Variants in TRPC7 observed in about 807,000 individuals in gnomAD.
TRPC7 encodes the protein transient receptor potential cation channel subfamily C member 7.
TRPC7 carries 42 observed loss-of-function variants against 90.1 expected under a neutral mutation model. That is an observed-to-expected ratio of 0.47 (90% CI 0.36 to 0.60). TRPC7 has a LOEUF of 0.60. Among genes scored for constraint, TRPC7 ranks in the 20% least tolerant of loss-of-function variants. TRPC7 has a pLI of 0.00. For missense variants in TRPC7, 955 were observed against 1,112.3 expected (o/e 0.86, Z 2.01); for synonymous variants, 451 against 436.3 (o/e 1.03, Z -0.42).
At chr5:136,289,467 G>A (rs1034671116) in intron 3 of TRPC7, among the ~76,000 whole-genome samples, 1 of 152,234 alleles carries the variant, frequency 6.6e-6, no homozygotes, top group Non-Finnish European at 1.5e-5. Flanking sequence ...CTTCCAACGG[G>A]CTTAACAAAT....
intron 3 of TRPC7, among the ~76,000 whole-genome samples, chr5:136,276,632 T>G (rs1046663674): frequency 5.3e-5 from 8 of 152,218 alleles, no homozygotes; most frequent in African/African-American, 1.9e-4. Flanking sequence ...CTTGAAATAT[T>G]AGATGCAAAT....
intron 3 of TRPC7, among the ~76,000 whole-genome samples, chr5:136,315,360 G>A (rs1230779947): frequency 1.3e-5 from 2 of 152,126 alleles, no homozygotes; most frequent in Non-Finnish European, 2.9e-5. Flanking sequence ...GCCTGCTCAG[G>A]AACTGACTCA....
intron 4 of TRPC7, among the ~76,000 whole-genome samples, chr5:136,271,449 T>C (rs1452856301): frequency 6.6e-6 from 1 of 152,208 alleles, no homozygotes; most frequent in East Asian, 1.9e-4. Flanking sequence ...ATTTATTCTT[T>C]TGGCTCTGAG....
At chr5:136,306,468 C>T (rs970700604) in intron 3 of TRPC7, among the ~76,000 whole-genome samples, 2 of 152,064 alleles carry the variant, frequency 1.3e-5, no homozygotes, top group Admixed American at 1.3e-4. Context: ...TGAGAAACAT[C>T]GCCCATTCTC....
chr5:136,313,004 A>T, intron 3 of TRPC7, among the ~76,000 whole-genome samples: 1 of 129,210 alleles, frequency 7.7e-6, no homozygotes, highest in Non-Finnish European at 1.6e-5. Flanking sequence ...TTTAATAGAG[A>T]CAGGGTCTTG....
In TRPC7 at chr5:136,357,064, G is replaced by A. The variant is rs752389161; in HGVS notation, c.324C>T (p.Asp108=). 3.1e-6 allele frequency: 5 copies of A among 1,613,662 alleles called. No individual in the cohort carries two copies. Among genetic ancestry groups the A allele is most frequent in the Admixed American group, 1.7e-5 (1 of 59,998 alleles). Residue 108 remains aspartate, a synonymous_variant, in exon 2 of 12, where the codon GAC becomes GAT. Coordinates refer to ENST00000513104, the MANE Select transcript of TRPC7 (RefSeq NM_020389.3). ...CCTTGCTGATGGCCAGCAGCAGCGC[G>A]TCCCCCACCCGTGCCAGGTTCTCCT... The part of the protein sequence containing the change: ...LKKENLARVG[D]ALLLAISKGY...
At chr5:136,298,661 C>T (rs1454149341) in intron 3 of TRPC7, among the ~76,000 whole-genome samples, 1 of 152,100 alleles carries the variant, frequency 6.6e-6, no homozygotes, top group Non-Finnish European at 1.5e-5. Flanking sequence ...AAAAGGCCAA[C>T]CCCCTTGCCT....
intron 2 of TRPC7, among the ~76,000 whole-genome samples, chr5:136,326,910 A>C (rs979056214): frequency 1.3e-5 from 2 of 152,168 alleles, no homozygotes; most frequent in African/African-American, 2.4e-5. Context: ...TGGCTTGATC[A>C]GTTCTGAGGT....
chr5:136,229,320 G>A (rs1354124322), intron 8 of TRPC7, among the ~76,000 whole-genome samples: 12 of 152,060 alleles, frequency 7.9e-5, no homozygotes, highest in Non-Finnish European at 1.6e-4. Context: ...CTCTTGCAGC[G>A]CTGAGCATAC....
intron 3 of TRPC7, among the ~76,000 whole-genome samples, chr5:136,314,911 T>C (rs1758960868): frequency 6.6e-6 from 1 of 152,180 alleles, no homozygotes; most frequent in African/African-American, 2.4e-5. Flanking sequence ...TTCTAAAGCA[T>C]CCAGAGTAGA....
intron 7 of TRPC7, among the ~76,000 whole-genome samples, chr5:136,239,316 G>T (rs1279599669): frequency 1.3e-5 from 2 of 152,188 alleles, no homozygotes; most frequent in Admixed American, 1.3e-4. Context: ...AACATGAAAG[G>T]TGGAGATTGT....
intron 4 of TRPC7, among the ~76,000 whole-genome samples, chr5:136,271,824 T>G (rs1404564289): frequency 6.6e-6 from 1 of 152,208 alleles, no homozygotes; most frequent in East Asian, 1.9e-4. Context: ...GAACTTCTGT[T>G]GACACCTTTC....
intron 3 of TRPC7, among the ~76,000 whole-genome samples, chr5:136,277,357 A>G (rs1050916964): frequency 2.0e-5 from 3 of 152,378 alleles, no homozygotes; most frequent in South Asian, 2.1e-4. Flanking sequence ...AGCTTCAGAC[A>G]TGCTGTTTAT....
intron 10 of TRPC7, among the ~76,000 whole-genome samples, chr5:136,219,718 A>T (rs1755390393): frequency 6.6e-6 from 1 of 152,226 alleles, no homozygotes; most frequent in Non-Finnish European, 1.5e-5. Flanking sequence ...GTGAGCCGAG[A>T]TGGTGCCACT....
At chr5:136,330,514 G>T (rs1428964857) in intron 2 of TRPC7, among the ~76,000 whole-genome samples, 1 of 152,174 alleles carries the variant, frequency 6.6e-6, no homozygotes, top group African/African-American at 2.4e-5. Flanking sequence ...AACACTGACT[G>T]CCCTTGTAGT....
intron 4 of TRPC7, among the ~76,000 whole-genome samples, chr5:136,273,463 C>T (rs1284837134): frequency 6.6e-6 from 1 of 152,178 alleles, no homozygotes; most frequent in Non-Finnish European, 1.5e-5. Flanking sequence ...AAGAGGGCTT[C>T]CATTCTTAAT....
In TRPC7 at chr5:136,274,816, G is replaced by T; in HGVS notation, c.985C>A (p.Gln329Lys). 6.3e-7 allele frequency: 1 copy of T among 1,574,866 alleles called. No individual in the cohort carries two copies. Among genetic ancestry groups the T allele is most frequent in the Non-Finnish European group, 8.6e-7 (1 of 1,160,054 alleles). ...TACCACATGGTAAGCAATTGCTGCTGACAGTTAGGATGAGCAACGAACTGT... is the reference window on the plus strand; with the variant it reads ...TACCACATGGTAAGCAATTGCTGCTTACAGTTAGGATGAGCAACGAACTGT... Reference protein sequence around the residue: ...VKKFVAHPNCQQQLLTMWYEN... With the variant: ...VKKFVAHPNCKQQLLTMWYEN... The change falls in exon 4 of 12, where the codon CAG becomes AAG. Residue 329 changes from glutamine (Q) to lysine (K), a missense_variant. This residue lies in a region of TRPC7 where 484 missense variants were observed against 509.6 expected (regional missense o/e 0.95). Transcript: ENST00000513104.
Position 136,365,490 on chromosome 5 carries a change from C to A in TRPC7, c.-236G>T. The A allele has an allele frequency of 1.8e-6, 1 of 568,708 alleles. No individual in the cohort carries two copies. Among genetic ancestry groups the A allele is most frequent in the South Asian group, 2.4e-5 (1 of 40,884 alleles). 35.2% of individuals were successfully genotyped at this position (568,708 alleles called of 1,614,324 possible). ...GGCAGAACCGTGTTACCGTCCTTTT[C>A]CTAATCGGGGGGAAATTTCCCAGAG... On this transcript the variant is annotated 5_prime_UTR_variant, in exon 1 of 12. Coordinates refer to ENST00000513104, the MANE Select transcript of TRPC7 (RefSeq NM_020389.3).
At chr5:136,219,018 A>C (rs920192742) in intron 10 of TRPC7, among the ~76,000 whole-genome samples, 7 of 152,224 alleles carry the variant, frequency 4.6e-5, no homozygotes, top group African/African-American at 1.7e-4. Flanking sequence ...GCATCAAAAC[A>C]AAGGCTCAAG....
Sources: allele counts gnomAD v4.1 joint callset (sites outside exome capture counted in the v4.1 genomes callset), GRCh38; gene constraint gnomAD v4.1.1; regional missense constraint gnomAD v4.1.1; transcripts MANE v1.5; gene names NCBI Gene and HGNC (gene_info 2026-07-23, HGNC 2026-07-21).